ADRA1D: variants seen among roughly 807,000 people sequenced by gnomAD.
ADRA1D encodes adrenoceptor alpha 1D.
ADRA1D carries 22 observed loss-of-function variants against 18.6 expected under a neutral mutation model. The ratio of observed to expected loss-of-function variants is 1.19; its 90% confidence interval spans 0.85 to 1.69. The LOEUF is 1.69. ADRA1D is among the 40% of genes most tolerant of loss of function. The pLI is 0.00. For synonymous variants in ADRA1D, 376 were observed against 388.2 expected (o/e 0.97, Z 0.37); for missense variants, 840 against 840.7 (o/e 1.00, Z 0.01).
In ADRA1D at chr20:4,222,212, T is replaced by C; in HGVS notation, c.1112-82A>G. 6 of 1,523,788 alleles carry C rather than the reference T, an allele frequency of 3.9e-6. No individual in the cohort carries two copies. Among genetic ancestry groups the C allele is most frequent in the Non-Finnish European group, 5.3e-6 (6 of 1,137,598 alleles). The allele number at this position is 1,523,788 out of a possible 1,614,324, so 94.4% of individuals were successfully genotyped here. The stretch of plus-strand genomic sequence containing the variant: ...GCTCTGGGCGCAAAGGGGAGACCCT[T>C]CAGTAGCCTTGGCTGAGTCATTGAC... On this transcript the variant is annotated intron_variant, in intron 1 of 1. Transcript: ENST00000379453. This position sits in a 1 kb window ranked among gnomAD's most constrained non-coding sequence, Gnocchi z 4.3.
In ADRA1D at chr20:4,220,991, C is replaced by T. The variant is rs56397561; in HGVS notation, c.*532G>A. 0.053 allele frequency: 8,025 copies of T among 152,830 alleles called. 718 individuals carry two copies. Among genetic ancestry groups the T allele is most frequent in the African/African-American group, 0.18 (7,577 of 41,458 alleles). 9.5% of individuals were successfully genotyped at this position (152,830 alleles called of 1,614,324 possible). The stretch of plus-strand genomic sequence containing the variant: ...GGATAAATACAGCAGGCTTGTATGA[C>T]GGCTATACAATCTGCCACCAAAGCT... On this transcript the variant is annotated 3_prime_UTR_variant, in exon 2 of 2. Transcript: ENST00000379453.
At position 4,239,368 on chromosome 20, in the gene ADRA1D, T is replaced by A. The variant is rs1424463273; in HGVS notation, c.1111+8479A>T. ...AGGGGAGGGGAAGGAGGAATATATGTCCAAGGACAGAAGTCCCCATCAGTG... is the reference window on the plus strand; with the variant it reads ...AGGGGAGGGGAAGGAGGAATATATGACCAAGGACAGAAGTCCCCATCAGTG... On this transcript the variant is annotated intron_variant, in intron 1 of 1. Transcript: ENST00000379453. The surrounding 1 kb of genome is among the most constrained non-coding windows in gnomAD (Gnocchi z 4.9). 6.6e-6 allele frequency among the ~76,000 whole-genome samples: 1 copy of A among 152,128 alleles called. No individual in the cohort carries two copies. Among genetic ancestry groups the A allele is most frequent in the African/African-American group, 2.4e-5 (1 of 41,428 alleles).
chr20:4,248,707 G>A lies in ADRA1D; in HGVS notation c.251C>T (p.Thr84Met), dbSNP rs778543784. The A allele has an allele frequency of 2.5e-6, 4 of 1,569,292 alleles. No individual in the cohort carries two copies. Among genetic ancestry groups the A allele is most frequent in the African/African-American group, 1.4e-5 (1 of 73,752 alleles). The change falls in exon 1 of 2, where the codon ACG becomes ATG. Residue 84 changes from threonine to methionine, a missense_variant. Transcript: ENST00000379453. ...SAGAGGDVNG[T>M]AAVGGLVVSA... ...CACCACCAGTCCCCCGACGGCCGCC[G>A]TGCCATTCACGTCGCCGCCCGCGCC...
chr20:4,224,877 A>G (rs1333561406), intron 1 of ADRA1D, among the ~76,000 whole-genome samples: 1 of 151,446 alleles, frequency 6.6e-6, no homozygotes, highest in Non-Finnish European at 1.5e-5. Flanking sequence ...CCATACAGAG[A>G]CAGTTTCTGG....
chr20:4,248,736 G>T lies in ADRA1D; in HGVS notation c.222C>A (p.Ser74Arg), dbSNP rs770757171. 1.2e-5 allele frequency: 18 copies of T among 1,533,610 alleles called. No homozygotes were observed. The South Asian group carries it at 2.1e-4, about 18-fold the overall frequency. ...CATTCACGTCGCCGCCCGCGCCCGC[G>T]CTCCCCGGCTCCCCCGCGGAGCTCC... ...DNRSSAGEPG[S>R]AGAGGDVNGT... Residue 74 changes from serine to arginine, a missense_variant, in exon 1 of 2, where the codon AGC becomes AGA. Physicochemically the swap from Ser to Arg is moderately radical, Grantham distance 110. Coordinates refer to ENST00000379453, the MANE Select transcript of ADRA1D (RefSeq NM_000678.4).
chr20:4,228,166 C>G (rs1980866483), intron 1 of ADRA1D, among the ~76,000 whole-genome samples: 1 of 152,194 alleles, frequency 6.6e-6, no homozygotes, highest in Non-Finnish European at 1.5e-5. Context: ...AGCACCTTAA[C>G]TGTTCTCTTT....
chr20:4,226,016 G>A (rs1980790179), intron 1 of ADRA1D, among the ~76,000 whole-genome samples: 1 of 152,208 alleles, frequency 6.6e-6, no homozygotes, highest in Non-Finnish European at 1.5e-5. Context: ...GCTGAAAATA[G>A]CCTTCTGACT....
chr20:4,244,783 C>T (rs927342428), intron 1 of ADRA1D, among the ~76,000 whole-genome samples: 3 of 152,370 alleles, frequency 2.0e-5, no homozygotes, highest in Admixed American at 6.5e-5. Flanking sequence ...GCTGCTTCTG[C>T]CCTCCAAGCC....
At position 4,249,248 on chromosome 20, in the gene ADRA1D, G is replaced by A. The variant is rs1181041955; in HGVS notation, c.-291C>T. Among the ~76,000 whole-genome samples, 1 of 151,944 alleles carries A rather than the reference G, an allele frequency of 6.6e-6. No individual in the cohort carries two copies. Among genetic ancestry groups the A allele is most frequent in the Non-Finnish European group, 1.5e-5 (1 of 67,944 alleles). On this transcript the variant is annotated 5_prime_UTR_variant, in exon 1 of 2. Transcript: ENST00000379453. ...GGCAAGCGGGCAAAGCGGCGGCTCCGGGGCCGGGCGGTGCAGGCAGCGGCC... is the reference window on the plus strand; with the variant it reads ...GGCAAGCGGGCAAAGCGGCGGCTCCAGGGCCGGGCGGTGCAGGCAGCGGCC...
At chr20:4,228,788 A>G (rs994093443) in intron 1 of ADRA1D, among the ~76,000 whole-genome samples, 3 of 152,120 alleles carry the variant, frequency 2.0e-5, no homozygotes, top group Non-Finnish European at 2.9e-5. Flanking sequence ...TAGTGTCCCT[A>G]CTTGTATGGT....
In ADRA1D at chr20:4,248,445, T is replaced by C. The variant is rs1316915841; in HGVS notation, c.513A>G (p.Val171=). 6.2e-7 allele frequency: 1 copy of C among 1,612,282 alleles called. No homozygotes were observed. Among genetic ancestry groups the C allele is most frequent in the Middle Eastern group, 1.7e-4 (1 of 6,058 alleles). Residue 171 remains valine, a synonymous_variant, in exon 1 of 2, where the codon GTA becomes GTG. Coordinates refer to ENST00000379453, the MANE Select transcript of ADRA1D (RefSeq NM_000678.4). ...FWAFGRAFCD[V]WAAVDVLCCT... ...AGCACAGCACGTCCACGGCGGCCCA[T>C]ACGTCGCAGAAGGCGCGGCCAAAGG...
intron 1 of ADRA1D, among the ~76,000 whole-genome samples, chr20:4,246,567 G>T (rs543315999): frequency 6.6e-6 from 1 of 151,684 alleles, no homozygotes; most frequent in Non-Finnish European, 1.5e-5. Context: ...CGGCAGAGAG[G>T]GGGAGGGCAG....
intron 1 of ADRA1D, among the ~76,000 whole-genome samples, chr20:4,229,810 T>C (rs1385357031): frequency 6.6e-6 from 1 of 151,652 alleles, no homozygotes; most frequent in Non-Finnish European, 1.5e-5. Flanking sequence ...GCCCCCTGAA[T>C]CTTTTCTCAC....
chr20:4,225,425 T>C (rs1980772358), intron 1 of ADRA1D, among the ~76,000 whole-genome samples: 1 of 89,258 alleles, frequency 1.1e-5, no homozygotes, highest in Admixed American at 1.2e-4. Flanking sequence ...TTTTTTTTTC[T>C]TTCTTTTTTT....
At chr20:4,230,992 C>T (rs1300765463) in intron 1 of ADRA1D, among the ~76,000 whole-genome samples, 1 of 151,826 alleles carries the variant, frequency 6.6e-6, no homozygotes, top group Non-Finnish European at 1.5e-5. Flanking sequence ...AGGTATGGGA[C>T]TCTTTCTTTC....
chr20:4,229,360 G>C (rs1171476823), intron 1 of ADRA1D, among the ~76,000 whole-genome samples: 1 of 152,084 alleles, frequency 6.6e-6, no homozygotes, highest in African/African-American at 2.4e-5. Flanking sequence ...GATAAACAAG[G>C]AAAATGTAAA....
intron 1 of ADRA1D, among the ~76,000 whole-genome samples, chr20:4,243,700 G>C (rs974613769): frequency 6.6e-6 from 1 of 152,132 alleles, no homozygotes; most frequent in Non-Finnish European, 1.5e-5. Context: ...GGTGAGGGGC[G>C]TTCTACACGC....
Position 4,221,575 on chromosome 20 carries a change from C to G in ADRA1D, c.1667G>C (p.Cys556Ser). 1 of 1,612,776 alleles carries G rather than the reference C, an allele frequency of 6.2e-7. No individual in the cohort carries two copies. The highest frequency in any genetic ancestry group is 8.5e-7 in the Non-Finnish European group (1 of 1,179,118). Reference sequence around the variant, plus strand: ...GTAGTCGGCCAATTCGTAGGCCTGGCAGGTGGCGCCCTCGGCCACCTCGTG... The same window carrying G: ...GTAGTCGGCCAATTCGTAGGCCTGGGAGGTGGCGCCCTCGGCCACCTCGTG... ...VPHEVAEGAT[C>S]QAYELADYSN... Residue 556 changes from cysteine (C) to serine (S), a missense_variant, in exon 2 of 2, where the codon TGC becomes TCC. By Grantham distance (112) the Cys-to-Ser change is moderately radical. Coordinates refer to ENST00000379453, the MANE Select transcript of ADRA1D (RefSeq NM_000678.4).
At chr20:4,243,757 G>A (rs895674109) in intron 1 of ADRA1D, among the ~76,000 whole-genome samples, 2 of 152,168 alleles carry the variant, frequency 1.3e-5, no homozygotes, top group African/African-American at 4.8e-5. Flanking sequence ...TCCCAGAGGA[G>A]CTGGTGCTGC....
Sources: gnomAD v4.1 joint callset for allele counts (sites outside exome capture counted in the v4.1 genomes callset) on GRCh38, gnomAD v4.1.1 for gene constraint, Gnocchi (gnomAD v3.1) non-coding constraint, MANE v1.5 for transcripts, NCBI Gene and HGNC (gene_info 2026-07-23, HGNC 2026-07-21) for gene names.